The following ATG7 variants were observed in gnomAD, a reference collection of about 807,000 sequenced individuals.
ATG7 encodes ubiquitin-like modifier-activating enzyme ATG7.
ATG7 carries 70 observed loss-of-function variants against 82.4 expected under a neutral mutation model. The observed-to-expected ratio is 0.85, with a 90% CI of 0.70 to 1.04. ATG7 has a LOEUF of 1.04. Ranked by LOEUF, ATG7 falls within the 50% of genes least tolerant of loss-of-function variation. The probability of loss-of-function intolerance (pLI) is 0.00; values close to 1 mark genes in which losing one functional copy is unlikely to be tolerated. For synonymous variants in ATG7, 287 were observed against 313.0 expected, an observed-to-expected ratio of 0.92 and a Z score of 0.88; for missense variants, 792 against 864.3, an observed-to-expected ratio of 0.92 and a Z score of 1.05.
chr3:11,575,682 G>A, the ATG7 span, among the ~76,000 whole-genome samples: 3 of 152,234 alleles, frequency 2.0e-5, no homozygotes, highest in African/African-American at 2.4e-5. Context: ...GAGACCTGTC[G>A]GAAACGCTGC....
At chr3:11,297,358 T>G (rs910726461) in intron 3 of ATG7, among the ~76,000 whole-genome samples, 1 of 152,158 alleles carries the variant, frequency 6.6e-6, no homozygotes, top group African/African-American at 2.4e-5. Flanking sequence ...ACCCTGTAAA[T>G]GTATCCCATT....
At chr3:11,527,067 G>GTATATATATA (rs1157835767) in intron 20 of ATG7, among the ~76,000 whole-genome samples, 2 of 95,292 alleles carry the variant, frequency 2.1e-5, no homozygotes, top group Non-Finnish European at 4.2e-5. Flanking sequence ...GTGTGTGTGT[G>GTATATATATA]TGTGTATATA....
chr3:11,361,299 T>C lies in ATG7; in HGVS notation c.1683+515T>C, dbSNP rs140421968. Among the ~76,000 whole-genome samples, 1,072 of 152,142 alleles carry C rather than the reference T, an allele frequency of 7.0e-3. 19 individuals are homozygous for C. Among genetic ancestry groups the C allele is most frequent in the African/African-American group, 0.025 (1,019 of 41,504 alleles). ...TAATAATGAATTCTTTTTTTTTTTTTTTTGAGACAGAGTTTCGCCCTGTCA... is the reference window on the plus strand; with the variant it reads ...TAATAATGAATTCTTTTTTTTTTTTCTTTGAGACAGAGTTTCGCCCTGTCA... On this transcript the variant is annotated intron_variant, in intron 16 of 20. Transcript: ENST00000693202.
intron 20 of ATG7, among the ~76,000 whole-genome samples, chr3:11,501,913 C>T (rs1165907950): frequency 1.3e-5 from 2 of 152,118 alleles, no homozygotes; most frequent in Non-Finnish European, 2.9e-5. Flanking sequence ...TGGTCTAGAA[C>T]TCCTGACCTC....
intron 20 of ATG7, among the ~76,000 whole-genome samples, chr3:11,545,445 C>A (rs2125041879): frequency 6.6e-6 from 1 of 152,322 alleles, no homozygotes; most frequent in East Asian, 1.9e-4. Flanking sequence ...GCGAGCCCTG[C>A]CTCCCATCCT....
At chr3:11,421,030 C>T (rs1309862038) in intron 19 of ATG7, among the ~76,000 whole-genome samples, 1 of 152,160 alleles carries the variant, frequency 6.6e-6, no homozygotes, top group African/African-American at 2.4e-5. Flanking sequence ...GCTGGGATTA[C>T]AGGCGTGAGC....
intron 3 of ATG7, among the ~76,000 whole-genome samples, chr3:11,282,842 C>T (rs932874843): frequency 6.6e-6 from 1 of 152,220 alleles, no homozygotes; most frequent in African/African-American, 2.4e-5. Context: ...TATGCCAAAG[C>T]AGCCCCCTCC....
intron 20 of ATG7, among the ~76,000 whole-genome samples, chr3:11,509,394 G>T (rs1008876342): frequency 1.7e-4 from 24 of 143,556 alleles, no homozygotes; most frequent in South Asian, 6.7e-4. Flanking sequence ...TTTCAGTGTG[G>T]TTTTTTTTTT....
At chr3:11,568,218 C>T in the ATG7 span, among the ~76,000 whole-genome samples, 1 of 152,228 alleles carries the variant, frequency 6.6e-6, no homozygotes, top group Non-Finnish European at 1.5e-5. The surrounding 1 kb of genome is among the most constrained non-coding windows in gnomAD (Gnocchi z 5.9). Flanking sequence ...AGTCGTGGTA[C>T]ATAAGGCACT....
At chr3:11,500,361 T>C (rs1413842828) in intron 20 of ATG7, among the ~76,000 whole-genome samples, 1 of 152,084 alleles carries the variant, frequency 6.6e-6, no homozygotes, top group African/African-American at 2.4e-5. Context: ...GCCACAAAAA[T>C]TGATCATATC....
In ATG7 at chr3:11,542,320, G is replaced by T. The variant is rs200558106; in HGVS notation, c.2080-12491G>T. On this transcript the variant is annotated intron_variant, in intron 20 of 20. Coordinates refer to ENST00000693202, the MANE Select transcript of ATG7 (RefSeq NM_001349232.2). Reference sequence around the variant, plus strand: ...CCAGAGGGAGGGTGCCAAATATAGCGGGACCCTGAGGTCCATTTTCCAGAC... The same window carrying T: ...CCAGAGGGAGGGTGCCAAATATAGCTGGACCCTGAGGTCCATTTTCCAGAC... Among the ~76,000 whole-genome samples, 8 of 152,316 alleles carry T rather than the reference G, an allele frequency of 5.3e-5. No individual in the cohort carries two copies. In the East Asian group the frequency reaches 1.5e-3, roughly 29 times the overall value.
chr3:11,435,217 A>C (rs1433757773), intron 20 of ATG7, among the ~76,000 whole-genome samples: 2 of 152,202 alleles, frequency 1.3e-5, no homozygotes, highest in Non-Finnish European at 2.9e-5. Context: ...AACTTTTTGC[A>C]GATTTTGAGA....
chr3:11,342,237 T>C lies in ATG7; in HGVS notation c.1083T>C (p.Leu361=). 1.2e-6 allele frequency: 2 copies of C among 1,613,652 alleles called. No homozygotes were observed. The highest frequency in any genetic ancestry group is 1.7e-6 in the Non-Finnish European group (2 of 1,179,998). ...DKVVSVKCLL[L]GAGTLGCNVA... The stretch of plus-strand genomic sequence containing the variant: ...TTGTGTCTGTCAAATGTCTGCTGCT[T>C]GGAGCCGGCACCTTGGGTTGCAATG... The change falls in exon 13 of 21, where the codon CTT becomes CTC. Residue 361 remains leucine, a synonymous_variant. Transcript: ENST00000693202.
intron 20 of ATG7, among the ~76,000 whole-genome samples, chr3:11,489,519 C>T (rs1337860265): frequency 6.8e-6 from 1 of 146,658 alleles, no homozygotes; most frequent in Non-Finnish European, 1.5e-5. Flanking sequence ...CTTCTGCTGG[C>T]TTTTGAATGT....
chr3:11,307,817 T>C (rs1394395257), intron 6 of ATG7, among the ~76,000 whole-genome samples: 1 of 152,218 alleles, frequency 6.6e-6, no homozygotes, highest in Non-Finnish European at 1.5e-5. Flanking sequence ...TGAATCTTGT[T>C]GGTGTGGGTG....
chr3:11,501,034 C>T (rs746407820), intron 20 of ATG7, among the ~76,000 whole-genome samples: 1 of 152,234 alleles, frequency 6.6e-6, no homozygotes, highest in Non-Finnish European at 1.5e-5. Flanking sequence ...GTGCGAGGAT[C>T]ACTTGAGGCC....
At chr3:11,575,455 G>A in the ATG7 span, among the ~76,000 whole-genome samples, 10 of 152,162 alleles carry the variant, frequency 6.6e-5, no homozygotes, top group Admixed American at 3.9e-4. Flanking sequence ...GTGTGAGTCT[G>A]CCCCTCTCTC....
intron 1 of ATG7, among the ~76,000 whole-genome samples, chr3:11,275,650 T>G (rs1941614894): frequency 6.6e-6 from 1 of 151,722 alleles, no homozygotes; most frequent in Non-Finnish European, 1.5e-5. Context: ...GAGCCACCGC[T>G]TCCTCTCCCC....
intron 20 of ATG7, among the ~76,000 whole-genome samples, chr3:11,466,993 G>A (rs773867612): frequency 8.5e-5 from 13 of 152,140 alleles, no homozygotes; most frequent in Admixed American, 2.0e-4. Context: ...GTGTGGTGGC[G>A]GGCGCCTGTA....
Sources: gnomAD v4.1 joint callset for allele counts (sites outside exome capture counted in the v4.1 genomes callset) on GRCh38, gnomAD v4.1.1 for gene constraint, Gnocchi (gnomAD v3.1) non-coding constraint, MANE v1.5 for transcripts, NCBI Gene and HGNC (gene_info 2026-07-23, HGNC 2026-07-21) for gene names.